Variants in CCDC28A observed in about 807,000 individuals in gnomAD.
CCDC28A encodes coiled-coil domain containing 28A.
In CCDC28A, 24 loss-of-function variants were observed where a neutral mutation model predicts 22.1. The ratio of observed to expected loss-of-function variants is 1.09; its 90% CI spans 0.79 to 1.53. The LOEUF (loss-of-function observed/expected upper bound fraction) is 1.53. CCDC28A is among the 40% of genes most tolerant of loss of function. The pLI is 0.00. For missense variants in CCDC28A, 170 were observed against 210.7 expected, an observed-to-expected ratio of 0.81 and a Z score of 1.20; for synonymous variants, 83 against 74.7, an observed-to-expected ratio of 1.11 and a Z score of -0.57.
intron 4 of CCDC28A, among the ~76,000 whole-genome samples, chr6:138,785,842 T>C (rs1775087139): frequency 6.6e-6 from 1 of 152,184 alleles, no homozygotes; most frequent in African/African-American, 2.4e-5. Flanking sequence ...TATAATAAAA[T>C]CTTAAGATAT....
intron 2 of CCDC28A, among the ~76,000 whole-genome samples, chr6:138,777,808 C>CTTGAGAGGAAAAAGT (rs2002552918): frequency 6.6e-6 from 1 of 152,152 alleles, no homozygotes; most frequent in Non-Finnish European, 1.5e-5. Flanking sequence ...TTGGAGAAAA[C>CTTGAGAGGAAAAAGT]TTCCAAATTT....
At chr6:138,789,431 G>A (rs142980130) in intron 5 of CCDC28A, among the ~76,000 whole-genome samples, 261 of 152,206 alleles carry the variant, frequency 1.7e-3, no homozygotes, top group African/African-American at 5.7e-3. Flanking sequence ...GTGATGATGC[G>A]TATGTGAAAA....
At chr6:138,789,869 A>G (rs1384203744) in intron 5 of CCDC28A, among the ~76,000 whole-genome samples, 4 of 152,214 alleles carry the variant, frequency 2.6e-5, no homozygotes, top group South Asian at 2.1e-4. Context: ...AATACTTACT[A>G]TTTTCCCAGT....
Position 138,792,975 on chromosome 6 carries a change from C to T in CCDC28A, c.*172C>T, listed in dbSNP as rs1028178099. On this transcript the variant is annotated 3_prime_UTR_variant, in exon 6 of 6. Transcript: ENST00000617445. ...TTAGTAAATGTGACTCGCTGTAATTCACCATAACTGGAGGCCTAGGCCTTG... is the reference window on the plus strand; with the variant it reads ...TTAGTAAATGTGACTCGCTGTAATTTACCATAACTGGAGGCCTAGGCCTTG... 2.5e-5 allele frequency: 15 copies of T among 602,476 alleles called. No homozygotes were observed. Among genetic ancestry groups the T allele is most frequent in the African/African-American group, 1.9e-4 (10 of 54,002 alleles). The allele number at this position is 602,476 out of a possible 1,614,324, so 37.3% of individuals were successfully genotyped here. A position where few individuals can be genotyped will look rare whatever the true frequency, so the allele number is the denominator to read the frequency against.
At chr6:138,774,524 G>T (rs1300218765) in intron 1 of CCDC28A, among the ~76,000 whole-genome samples, 1 of 152,198 alleles carries the variant, frequency 6.6e-6, no homozygotes, top group Non-Finnish European at 1.5e-5. Flanking sequence ...GGTTTAAGTG[G>T]ATTGACACCC....
Position 138,792,736 on chromosome 6 carries a change from C to CTGAT in CCDC28A, c.501-11_501-8dup. The CTGAT allele has an allele frequency of 1.3e-6, 2 of 1,570,494 alleles. No homozygotes were observed. Among genetic ancestry groups the CTGAT allele is most frequent in the African/African-American group, 2.7e-5 (2 of 74,310 alleles). ...CCTTATAGAATGAAAATCTTCTTAACTGATTAATTCAGACAAAAACTCCAT... is the reference window on the plus strand; with the variant it reads ...CCTTATAGAATGAAAATCTTCTTAACTGATTGATTAATTCAGACAAAAACTCCAT... On this transcript the variant is annotated splice_polypyrimidine_tract_variant and intron_variant, in intron 5 of 5. Coordinates refer to ENST00000617445, the MANE Select transcript of CCDC28A (RefSeq NM_015439.3).
intron 1 of CCDC28A, 81 bp downstream of exon 1, chr6:138,773,983 G>A: frequency 2.6e-6 from 4 of 1,521,534 alleles, no homozygotes; most frequent in Non-Finnish European, 3.6e-6. Context: ...TGGGTACTGG[G>A]CGGTGAAGGG....
At chr6:138,788,948 A>G (rs1775132487) in intron 5 of CCDC28A, among the ~76,000 whole-genome samples, 1 of 152,196 alleles carries the variant, frequency 6.6e-6, no homozygotes, top group African/African-American at 2.4e-5. Context: ...CAGAGATAAT[A>G]TACTATACTT....
intron 4 of CCDC28A, among the ~76,000 whole-genome samples, chr6:138,786,596 CA>C (rs1182748778): frequency 6.6e-6 from 1 of 152,034 alleles, no homozygotes; most frequent in Non-Finnish European, 1.5e-5. Flanking sequence ...CTCAGTCTTG[CA>C]AGTATTTCCA....
At chr6:138,789,852 C>T (rs1775144731) in intron 5 of CCDC28A, among the ~76,000 whole-genome samples, 1 of 152,126 alleles carries the variant, frequency 6.6e-6, no homozygotes, top group African/African-American at 2.4e-5. Context: ...AATAGCTAAT[C>T]TTCATGAATA....
intron 4 of CCDC28A, among the ~76,000 whole-genome samples, chr6:138,787,228 AG>A (rs1426361133): frequency 6.6e-6 from 1 of 152,114 alleles, no homozygotes; most frequent in Non-Finnish European, 1.5e-5. Flanking sequence ...GGCCTTTGGG[AG>A]GTGATTCAGG....
chr6:138,779,899 T>TGAA lies in CCDC28A; in HGVS notation c.236_237insGAA (p.Leu79_Thr80insAsn), dbSNP rs1583521151. ...TCAACTCCGATCCAGCACTCCTTCCTCACTGATGTCTCAGATGTTCAGGAG... is the reference window on the plus strand; with the variant it reads ...TCAACTCCGATCCAGCACTCCTTCCTGAACACTGATGTCTCAGATGTTCAGGAG... On this transcript the variant is annotated inframe_insertion, in exon 3 of 6. Transcript: ENST00000617445. 7 of 1,613,884 alleles carry TGAA rather than the reference T, an allele frequency of 4.3e-6. No individual in the cohort carries two copies. Among genetic ancestry groups the TGAA allele is most frequent in the South Asian group, 1.1e-5 (1 of 91,082 alleles).
rs1472473468 is a variant in CCDC28A, at chr6:138,776,124, G to C, written c.4G>C (p.Glu2Gln). 11 of 1,614,132 alleles carry C rather than the reference G, an allele frequency of 6.8e-6. No individual in the cohort carries two copies. The highest frequency in any genetic ancestry group is 9.3e-6 in the Non-Finnish European group (11 of 1,180,002). ...GTGCAATAAGGAACTTAAAACAATG[G>C]AAGAGCGGAAAGTGAAGAGGAGGAG... M[E>Q]ERKVKRRSPK... is the part of the protein sequence containing the mutation. Residue 2 changes from glutamate (E) to glutamine (Q), a missense_variant, in exon 2 of 6, where the codon GAA becomes CAA. Physicochemically the swap from Glu to Gln is conservative, Grantham distance 29. Transcript: ENST00000617445.
At chr6:138,774,058 G>T (rs1005081021) in intron 1 of CCDC28A, among the ~76,000 whole-genome samples, 156 bp downstream of exon 1, 3 of 152,156 alleles carry the variant, frequency 2.0e-5, no homozygotes, top group Non-Finnish European at 2.9e-5. Flanking sequence ...CAGTGGTACT[G>T]CTTGGAGGCA....
intron 4 of CCDC28A, among the ~76,000 whole-genome samples, chr6:138,787,977 T>TTC (rs940395287): frequency 2.0e-5 from 3 of 148,350 alleles, no homozygotes; most frequent in African/African-American, 7.6e-5. Flanking sequence ...TTTTTTTTTT[T>TTC]TCGACACAGC....
intron 3 of CCDC28A, 64 bp downstream of exon 3, chr6:138,780,049 G>GGGT (rs1774994198): frequency 8.1e-7 from 1 of 1,230,018 alleles, no homozygotes; most frequent in South Asian, 1.8e-5. Context: ...TTTTCTGTGT[G>GGGT]TATTTTACTC....
In CCDC28A at chr6:138,776,112, C is replaced by T. The variant is rs1483695266; in HGVS notation, c.-9C>T. On this transcript the variant is annotated 5_prime_UTR_variant, in exon 2 of 6. Transcript: ENST00000617445. ...AAGCTGGCCGTGGTGCAATAAGGAA[C>T]TTAAAACAATGGAAGAGCGGAAAGT... 4 of 1,614,066 alleles carry T rather than the reference C, an allele frequency of 2.5e-6. No individual in the cohort carries two copies. The highest frequency in any genetic ancestry group is 1.6e-4 in the Middle Eastern group (1 of 6,062).
chr6:138,786,175 A>C (rs1020671807), intron 4 of CCDC28A, among the ~76,000 whole-genome samples: 10 of 152,084 alleles, frequency 6.6e-5, no homozygotes, highest in Non-Finnish European at 1.0e-4. Context: ...CAAGTGTCCA[A>C]CTTTGCTTTT....
intron 2 of CCDC28A, among the ~76,000 whole-genome samples, chr6:138,777,356 G>A (rs574426676): frequency 6.6e-6 from 1 of 152,290 alleles, no homozygotes; most frequent in African/African-American, 2.4e-5. Flanking sequence ...GCAGTTTTGA[G>A]GATTTCCTTC....
Sources: allele counts gnomAD v4.1 joint callset (sites outside exome capture counted in the v4.1 genomes callset), GRCh38; gene constraint gnomAD v4.1.1; transcripts MANE v1.5; gene names NCBI Gene and HGNC (gene_info 2026-07-23, HGNC 2026-07-21).